Variants in HHAT observed in about 807,000 individuals in gnomAD.
HHAT encodes the protein hedgehog acyltransferase, also known as protein-cysteine N-palmitoyltransferase HHAT.
A neutral mutation model predicts 70.8 loss-of-function variants in HHAT; 47 were observed. The observed-to-expected ratio is 0.66, with a 90% CI of 0.53 to 0.85. The LOEUF is 0.85. Among genes scored for constraint, HHAT ranks in the 40% least tolerant of loss-of-function variants. HHAT has a pLI of 0.00. For synonymous variants in HHAT, 228 were observed against 247.6 expected (o/e 0.92, Z 0.74); for missense variants, 609 against 604.8 (o/e 1.01, Z -0.07).
chr1:210,522,439 C>T (rs1484267315), intron 9 of HHAT, among the ~76,000 whole-genome samples: 1 of 152,130 alleles, frequency 6.6e-6, no homozygotes, highest in Non-Finnish European at 1.5e-5. Context: ...ACCCGGGTAA[C>T]CAAAATAGGC....
At chr1:210,376,411 G>A (rs982485377) in intron 3 of HHAT, among the ~76,000 whole-genome samples, 1 of 152,158 alleles carries the variant, frequency 6.6e-6, no homozygotes, top group Admixed American at 6.5e-5. Flanking sequence ...CGTTAGTGGA[G>A]GGATAGGGAT....
intron 1 of HHAT, among the ~76,000 whole-genome samples, chr1:210,347,043 G>C (rs533037856): frequency 1.3e-5 from 2 of 152,090 alleles, no homozygotes; most frequent in Non-Finnish European, 1.5e-5. Flanking sequence ...GAACATTTAA[G>C]ATCTACTCTT....
chr1:210,389,764 A>G (rs1442854672), intron 4 of HHAT, among the ~76,000 whole-genome samples: 1 of 152,184 alleles, frequency 6.6e-6, no homozygotes, highest in Non-Finnish European at 1.5e-5. Flanking sequence ...GTAGTTCTTT[A>G]TAGCAGTGTG....
intron 11 of HHAT, among the ~76,000 whole-genome samples, chr1:210,645,508 A>G (rs1272577826): frequency 6.6e-6 from 1 of 152,160 alleles, no homozygotes; most frequent in African/African-American, 2.4e-5. Context: ...TAATTTTTAT[A>G]CAGTAAAATG....
chr1:210,374,154 C>A (rs995843256), intron 3 of HHAT: 3 of 152,170 alleles, frequency 2.0e-5, no homozygotes, highest in East Asian at 3.8e-4. Context: ...AAAACATGAT[C>A]TGCCTCCCCA....
intron 9 of HHAT, among the ~76,000 whole-genome samples, chr1:210,577,524 A>T (rs1658104527): frequency 6.6e-6 from 1 of 151,970 alleles, no homozygotes; most frequent in Non-Finnish European, 1.5e-5. Context: ...CCTTAGGGGT[A>T]GATCCCAGTT....
intron 11 of HHAT, among the ~76,000 whole-genome samples, chr1:210,635,188 C>T (rs1263039227): frequency 2.0e-5 from 3 of 152,080 alleles, no homozygotes; most frequent in Non-Finnish European, 4.4e-5. Context: ...AGTCCAGACT[C>T]GGGGGATGGG....
intron 8 of HHAT, among the ~76,000 whole-genome samples, chr1:210,496,511 G>A (rs910538910): frequency 6.6e-6 from 1 of 152,196 alleles, no homozygotes; most frequent in African/African-American, 2.4e-5. Context: ...GAGTATAAAG[G>A]TTGGGAGGTG....
intron 6 of HHAT, among the ~76,000 whole-genome samples, chr1:210,410,152 A>C (rs1275661301): frequency 6.6e-6 from 1 of 151,700 alleles, no homozygotes; most frequent in Non-Finnish European, 1.5e-5. Flanking sequence ...TCCCGGGTTC[A>C]CGTCATTCTC....
intron 9 of HHAT, among the ~76,000 whole-genome samples, chr1:210,525,568 G>T (rs924128651): frequency 2.6e-5 from 4 of 152,120 alleles, no homozygotes; most frequent in African/African-American, 9.7e-5. Flanking sequence ...GGAAAAACTT[G>T]TTAGAATTAT....
intron 8 of HHAT, among the ~76,000 whole-genome samples, chr1:210,495,342 G>A (rs1448286533): frequency 6.6e-6 from 1 of 151,796 alleles, no homozygotes; most frequent in Non-Finnish European, 1.5e-5. Context: ...CAGCAAAGGT[G>A]GCTTAGTGGA....
At chr1:210,524,361 A>G (rs2095213633) in intron 9 of HHAT, among the ~76,000 whole-genome samples, 1 of 152,214 alleles carries the variant, frequency 6.6e-6, no homozygotes, top group African/African-American at 2.4e-5. Flanking sequence ...AGGGCTGGGC[A>G]GGAAGGCCCT....
At chr1:210,643,342 G>A (rs919495660) in intron 11 of HHAT, among the ~76,000 whole-genome samples, 1 of 152,208 alleles carries the variant, frequency 6.6e-6, no homozygotes, top group East Asian at 1.9e-4. Context: ...TACATTGAAT[G>A]TGTATATAAA....
At chr1:210,466,767 T>TA (rs2094117171) in intron 8 of HHAT, among the ~76,000 whole-genome samples, 2 of 75,352 alleles carry the variant, frequency 2.7e-5, no homozygotes. Flanking sequence ...TTTATTTTAA[T>TA]AATTTTTTTT....
intron 9 of HHAT, among the ~76,000 whole-genome samples, chr1:210,530,990 G>A (rs1043957107): frequency 2.6e-5 from 4 of 152,176 alleles, no homozygotes; most frequent in African/African-American, 7.2e-5. Context: ...GAAATGCATT[G>A]TTAGGCAATT....
chr1:210,557,260 T>C (rs1051666064), intron 9 of HHAT, among the ~76,000 whole-genome samples: 1 of 152,210 alleles, frequency 6.6e-6, no homozygotes, highest in Non-Finnish European at 1.5e-5. Context: ...AATGTCTTCA[T>C]TGTGAGTGGA....
intron 9 of HHAT, among the ~76,000 whole-genome samples, chr1:210,579,743 G>A (rs375087831): frequency 1.2e-4 from 19 of 152,174 alleles, no homozygotes; most frequent in African/African-American, 4.3e-4. Flanking sequence ...CCCATACTTC[G>A]CCACTGTTGC....
intron 11 of HHAT, among the ~76,000 whole-genome samples, chr1:210,638,457 T>C (rs1250921750): frequency 6.6e-6 from 1 of 152,206 alleles, no homozygotes; most frequent in South Asian, 2.1e-4. Context: ...ATTTATAAAA[T>C]GTCCAGAATA....
intron 9 of HHAT, among the ~76,000 whole-genome samples, chr1:210,567,673 A>G (rs933162625): frequency 3.9e-5 from 6 of 151,974 alleles, no homozygotes; most frequent in African/African-American, 1.5e-4. Flanking sequence ...GTACAATCCT[A>G]TGAGGTGAGC....
Sources: allele counts gnomAD v4.1 joint callset (sites outside exome capture counted in the v4.1 genomes callset), GRCh38; gene constraint gnomAD v4.1.1; transcripts MANE v1.5; gene names NCBI Gene and HGNC (gene_info 2026-07-23, HGNC 2026-07-21).